The following PRCC variants were observed in gnomAD, a reference collection of about 807,000 sequenced individuals.
PRCC encodes proline-rich protein PRCC.
In PRCC, 10 loss-of-function variants were observed where a neutral mutation model predicts 44.0. That is an observed-to-expected ratio of 0.23 (90% CI 0.14 to 0.39). The LOEUF (loss-of-function observed/expected upper bound fraction) is 0.39, where lower values mean the gene tolerates loss of function less well. Among genes scored for constraint, PRCC ranks in the 10% least tolerant of loss-of-function variants. The probability of loss-of-function intolerance (pLI) is 1.00; values close to 1 mark genes in which losing one functional copy is unlikely to be tolerated. For missense variants in PRCC, 573 were observed against 624.7 expected (o/e 0.92, Z 0.88); for synonymous variants, 278 against 259.5 (o/e 1.07, Z -0.69).
At chr1:156,795,936 A>G (rs1225192579) in intron 5 of PRCC, 2 of 152,122 alleles carry the variant, frequency 1.3e-5, no homozygotes, top group Non-Finnish European at 2.9e-5. Context: ...AAGGTCGAGG[A>G]TTTTGTTCCC....
intron 1 of PRCC, among the ~76,000 whole-genome samples, chr1:156,769,992 A>G (rs16837645): frequency 0.031 from 4,783 of 151,982 alleles, 262 homozygotes; most frequent in African/African-American, 0.11. Context: ...TTATTGCTCC[A>G]TGGAAACTTA....
intron 5 of PRCC, among the ~76,000 whole-genome samples, chr1:156,795,570 G>A (rs1267488557): frequency 1.2e-4 from 18 of 152,170 alleles, no homozygotes. Context: ...ACAGGCATGA[G>A]CCACTATACC....
At position 156,767,829 on chromosome 1, in the gene PRCC, G is replaced by A; in HGVS notation, c.58G>A (p.Glu20Lys). The change falls in exon 1 of 7, where the codon GAG becomes AAG. Residue 20 changes from glutamate (E) to lysine (K), a missense_variant. Physicochemically the swap from Glu to Lys is moderately conservative, Grantham distance 56. Transcript: ENST00000271526. ...DESEPDEAEP[E>K]PEEEEAVAPT... ...GAGCGAGCCGGATGAGGCTGAGCCC[G>A]AGCCGGAGGAAGAGGAGGCGGTGGC... is the stretch of plus-strand genomic sequence containing the variant. 1 of 1,610,584 alleles carries A rather than the reference G, an allele frequency of 6.2e-7. No individual in the cohort carries two copies. The highest frequency in any genetic ancestry group is 8.5e-7 in the Non-Finnish European group (1 of 1,179,174).
Position 156,768,176 on chromosome 1 carries a change from TC to T in PRCC, c.408del (p.Lys137SerfsTer9). On this transcript the variant is annotated frameshift_variant, in exon 1 of 7. Transcript: ENST00000271526. LOFTEE classifies it high-confidence loss of function. ...GCGGTGCCGGTCCCCCGCTGGGGCT[TC>T]CCAAGCCAAAGAAGAGGAAAGAGCC... ...IGGAGPPLGL[P>X]KPKKRKEPVK... The T allele has an allele frequency of 6.4e-7, 1 of 1,552,448 alleles. No homozygotes were observed. The highest frequency in any genetic ancestry group is 8.7e-7 in the Non-Finnish European group (1 of 1,148,662).
At chr1:156,772,564 A>G (rs745636157) in intron 1 of PRCC, among the ~76,000 whole-genome samples, 8 of 152,260 alleles carry the variant, frequency 5.3e-5, no homozygotes, top group Non-Finnish European at 1.2e-4. Context: ...AATCAGAAGA[A>G]TAAGTCTGCT....
chr1:156,769,883 A>C (rs1651564469), intron 1 of PRCC, among the ~76,000 whole-genome samples: 1 of 152,136 alleles, frequency 6.6e-6, no homozygotes, highest in African/African-American at 2.4e-5. Context: ...TACAGGCGTG[A>C]GCCGCAGCAC....
chr1:156,781,471 C>G (rs1164547264), intron 1 of PRCC, among the ~76,000 whole-genome samples: 1 of 152,160 alleles, frequency 6.6e-6, no homozygotes, highest in Non-Finnish European at 1.5e-5. Flanking sequence ...AGGTTCATGG[C>G]TGGGGGAATA....
chr1:156,782,515 A>G (rs1055066332), intron 2 of PRCC, among the ~76,000 whole-genome samples, 186 bp downstream of exon 2: 28 of 152,146 alleles, frequency 1.8e-4, no homozygotes, highest in Non-Finnish European at 2.9e-5. Context: ...TCTCCACTCT[A>G]TTCCTGGCTT....
intron 6 of PRCC, among the ~76,000 whole-genome samples, chr1:156,798,805 C>T (rs1449638471): frequency 6.8e-6 from 1 of 147,514 alleles, no homozygotes. Flanking sequence ...GCTGAGATCG[C>T]GCCACTGCAC....
At chr1:156,794,550 G>A (rs1222822854) in intron 4 of PRCC, 115 bp from the exon 5 acceptor site, 11 of 1,272,544 alleles carry the variant, frequency 8.6e-6, no homozygotes, top group Non-Finnish European at 1.2e-5. Flanking sequence ...GTAGAGAACT[G>A]AGGGTGCCTT....
chr1:156,772,056 A>G (rs1213464167), intron 1 of PRCC, among the ~76,000 whole-genome samples: 1 of 152,072 alleles, frequency 6.6e-6, no homozygotes, highest in Non-Finnish European at 1.5e-5. Flanking sequence ...ATGGGGTTTC[A>G]CCATGTTGCC....
chr1:156,787,987 A>T (rs751867121), intron 3 of PRCC, among the ~76,000 whole-genome samples: 1 of 152,080 alleles, frequency 6.6e-6, no homozygotes, highest in African/African-American at 2.4e-5. Context: ...ACATTCCACC[A>T]TGCCCGCTAA....
intron 1 of PRCC, among the ~76,000 whole-genome samples, chr1:156,777,166 G>C (rs1011377392): frequency 6.6e-6 from 1 of 152,086 alleles, no homozygotes; most frequent in Non-Finnish European, 1.5e-5. Flanking sequence ...TCAAACCAGT[G>C]CTTCTGATTT....
intron 3 of PRCC, among the ~76,000 whole-genome samples, chr1:156,787,726 C>T (rs1156366581): frequency 7.5e-6 from 1 of 133,708 alleles, no homozygotes; most frequent in Admixed American, 8.8e-5. Context: ...CTTGGCTCAG[C>T]TGCAACCTCT....
intron 5 of PRCC, among the ~76,000 whole-genome samples, chr1:156,795,418 A>G (rs1239434248): frequency 6.7e-6 from 1 of 149,722 alleles, no homozygotes; most frequent in East Asian, 2.0e-4. Flanking sequence ...TGCTGGGACT[A>G]CAGGTGCATG....
chr1:156,783,195 G>T (rs962409611), intron 2 of PRCC, among the ~76,000 whole-genome samples: 1 of 152,048 alleles, frequency 6.6e-6, no homozygotes, highest in African/African-American at 2.4e-5. Context: ...GTGAGCCACC[G>T]CGCCTGGCCA....
At position 156,767,870 on chromosome 1, in the gene PRCC, C is replaced by T. The variant is rs374720733; in HGVS notation, c.99C>T (p.Pro33=). 578 of 1,607,508 alleles carry T rather than the reference C, an allele frequency of 3.6e-4. 5 individuals are homozygous for T. The South Asian group carries it at 6.1e-3, about 17-fold the overall frequency. ...EEEAVAPTSG[P]ALGGLFASLP... ...AGGCGGTGGCTCCTACATCTGGGCC[C>T]GCTTTAGGGGGCTTGTTCGCTTCTC... The change falls in exon 1 of 7, where the codon CCC becomes CCT. Residue 33 remains proline (P), a synonymous_variant. Coordinates refer to ENST00000271526, the MANE Select transcript of PRCC (RefSeq NM_005973.5).
intron 3 of PRCC, among the ~76,000 whole-genome samples, chr1:156,788,586 C>T (rs1042663364): frequency 4.0e-5 from 6 of 151,826 alleles, no homozygotes; most frequent in Middle Eastern, 3.5e-3. Context: ...CTACTTTCCA[C>T]GGTGGCTGAA....
At position 156,792,487 on chromosome 1, in the gene PRCC, G is replaced by A. The variant is rs534496543; in HGVS notation, c.1179+695G>A. On this transcript the variant is annotated intron_variant, in intron 4 of 6. Transcript: ENST00000271526. ...GTTTTGAGCAGAGTCTTGCTTTGTC[G>A]CCCAGGCTGGAGTATGGTGGCACGA... 1.9e-3 allele frequency among the ~76,000 whole-genome samples: 292 copies of A among 151,992 alleles called. 1 individual carries two copies. Among genetic ancestry groups the A allele is most frequent in the African/African-American group, 6.5e-3 (271 of 41,460 alleles).
Sources: gnomAD v4.1 joint callset for allele counts (sites outside exome capture counted in the v4.1 genomes callset) on GRCh38, gnomAD v4.1.1 for gene constraint, MANE v1.5 for transcripts, NCBI Gene and HGNC (gene_info 2026-07-23, HGNC 2026-07-21) for gene names.